Variants in PHACTR1 observed in about 807,000 individuals in gnomAD.
PHACTR1 encodes the protein RPEL repeat containing 1.
A neutral mutation model predicts 69.2 loss-of-function variants in PHACTR1; 16 were observed. That is an observed-to-expected ratio of 0.23 (90% CI 0.16 to 0.35). The LOEUF is 0.35. Ranked by LOEUF, PHACTR1 falls within the 10% of genes least tolerant of loss-of-function variation. The probability of loss-of-function intolerance (pLI) is 1.00; values close to 1 mark genes in which losing one functional copy is unlikely to be tolerated. For missense variants in PHACTR1, 510 were observed against 734.7 expected, an observed-to-expected ratio of 0.69 and a Z score of 3.54; for synonymous variants, 312 against 284.5, an observed-to-expected ratio of 1.10 and a Z score of -0.97.
intron 8 of PHACTR1, among the ~76,000 whole-genome samples, chr6:13,206,938 T>A (rs181049195): frequency 2.0e-5 from 3 of 152,146 alleles, no homozygotes; most frequent in Non-Finnish European, 2.9e-5. Context: ...CAGTTTGTTT[T>A]TTTTTTCTCA....
chr6:13,039,778 T>C (rs776733505), intron 4 of PHACTR1, among the ~76,000 whole-genome samples: 63 of 152,290 alleles, frequency 4.1e-4, no homozygotes, highest in Non-Finnish European at 5.0e-4. Context: ...CTCTGGAAAC[T>C]GTAGCTACTT....
chr6:13,063,480 A>C (rs1808005257), intron 5 of PHACTR1, among the ~76,000 whole-genome samples: 1 of 152,164 alleles, frequency 6.6e-6, no homozygotes, highest in Non-Finnish European at 1.5e-5. Context: ...CTACAGCTTA[A>C]AAAGAAATTA....
At chr6:13,273,323 A>G (rs1401538469) in intron 11 of PHACTR1, 2 of 168,012 alleles carry the variant, frequency 1.2e-5, no homozygotes, top group Non-Finnish European at 1.3e-5. Context: ...ACTAGAAAGC[A>G]TGACTTTGCA....
intron 4 of PHACTR1, among the ~76,000 whole-genome samples, chr6:12,809,615 T>C (rs1774794688): frequency 6.6e-6 from 1 of 152,236 alleles, no homozygotes; most frequent in Non-Finnish European, 1.5e-5. Context: ...AGCATTTCAG[T>C]TTCTCCATTT....
chr6:13,244,294 G>A (rs1009213129), intron 10 of PHACTR1, among the ~76,000 whole-genome samples: 1 of 152,180 alleles, frequency 6.6e-6, no homozygotes, highest in Non-Finnish European at 1.5e-5. Context: ...GCAAGTGGAG[G>A]CAGGGCGAGA....
chr6:12,904,437 G>C (rs1250338710), intron 4 of PHACTR1, among the ~76,000 whole-genome samples: 2 of 151,896 alleles, frequency 1.3e-5, no homozygotes, highest in African/African-American at 4.8e-5. Flanking sequence ...GGGAGCCTGA[G>C]GCAGGAGAAT....
intron 3 of PHACTR1, among the ~76,000 whole-genome samples, chr6:12,734,128 C>T (rs543982021): frequency 6.6e-6 from 1 of 152,240 alleles, no homozygotes; most frequent in East Asian, 1.9e-4. Flanking sequence ...ATTTGTTTCC[C>T]GCCTACCATT....
intron 4 of PHACTR1, among the ~76,000 whole-genome samples, chr6:13,012,217 A>T (rs988891000): frequency 8.5e-5 from 13 of 152,228 alleles, no homozygotes; most frequent in African/African-American, 3.1e-4. Flanking sequence ...GAAGTAGTAG[A>T]AATGATAGAG....
intron 4 of PHACTR1, among the ~76,000 whole-genome samples, chr6:12,962,649 A>G (rs1197755280): frequency 6.6e-6 from 1 of 152,204 alleles, no homozygotes; most frequent in East Asian, 1.9e-4. Flanking sequence ...CCACCTGGGC[A>G]TTCTGTCAAA....
intron 3 of PHACTR1, among the ~76,000 whole-genome samples, chr6:12,746,308 C>A (rs936810325): frequency 2.0e-5 from 3 of 152,112 alleles, no homozygotes; most frequent in African/African-American, 7.2e-5. Flanking sequence ...CTGAATTGGG[C>A]GGATTGCTTG....
intron 12 of PHACTR1, chr6:13,280,958 T>C (rs1281578025): frequency 1.6e-6 from 2 of 1,288,952 alleles, no homozygotes; most frequent in Admixed American, 4.6e-5. Flanking sequence ...GGTGGCCGTT[T>C]GTTAGTGCTG....
intron 10 of PHACTR1, among the ~76,000 whole-genome samples, chr6:13,242,793 T>C (rs540207289): frequency 2.2e-4 from 33 of 152,338 alleles, no homozygotes; most frequent in African/African-American, 7.7e-4. Flanking sequence ...AAGGTTAAAT[T>C]TCCAGGGAAA....
intron 5 of PHACTR1, among the ~76,000 whole-genome samples, chr6:13,107,400 C>A (rs940520018): frequency 3.9e-5 from 6 of 152,186 alleles, no homozygotes; most frequent in African/African-American, 1.2e-4. Context: ...GTGTGAGCCA[C>A]CATGCTTGGT....
chr6:12,815,824 G>A (rs1450204812), intron 4 of PHACTR1, among the ~76,000 whole-genome samples: 1 of 152,168 alleles, frequency 6.6e-6, no homozygotes, highest in East Asian at 1.9e-4. Flanking sequence ...CTTTCCACAA[G>A]AAACTGAAGG....
intron 4 of PHACTR1, among the ~76,000 whole-genome samples, chr6:13,002,235 A>G (rs1439095219): frequency 6.6e-6 from 1 of 152,222 alleles, no homozygotes; most frequent in Non-Finnish European, 1.5e-5. Flanking sequence ...TGCCTGCTCT[A>G]TTAGCTCAGC....
chr6:12,923,373 A>G (rs1033425555), intron 4 of PHACTR1, among the ~76,000 whole-genome samples: 3 of 152,250 alleles, frequency 2.0e-5, no homozygotes, highest in African/African-American at 7.2e-5. Flanking sequence ...GAAATTTAGG[A>G]TAAAATATTA....
At chr6:12,940,160 C>G (rs1415785270) in intron 4 of PHACTR1, among the ~76,000 whole-genome samples, 1 of 152,200 alleles carries the variant, frequency 6.6e-6, no homozygotes, top group South Asian at 2.1e-4. Context: ...AAAGCACACC[C>G]TCTTGCAACA....
chr6:13,091,581 T>C (rs1245347602), intron 5 of PHACTR1, among the ~76,000 whole-genome samples: 1 of 152,168 alleles, frequency 6.6e-6, no homozygotes, highest in Non-Finnish European at 1.5e-5. Flanking sequence ...ATTACATCTA[T>C]TGTACACTTT....
At chr6:13,069,203 G>T (rs1174426556) in intron 5 of PHACTR1, among the ~76,000 whole-genome samples, 1 of 152,176 alleles carries the variant, frequency 6.6e-6, no homozygotes, top group Non-Finnish European at 1.5e-5. Context: ...ATTAATGGAG[G>T]TTGAGTATCT....
Sources: gnomAD v4.1 joint callset for allele counts (sites outside exome capture counted in the v4.1 genomes callset) on GRCh38, gnomAD v4.1.1 for gene constraint, MANE v1.5 for transcripts, NCBI Gene and HGNC (gene_info 2026-07-23, HGNC 2026-07-21) for gene names.